The following CNTNAP2 variants were observed in gnomAD, a reference collection of about 807,000 sequenced individuals.
The protein encoded by CNTNAP2 is contactin associated protein 2, also known as contactin-associated protein-like 2.
A neutral mutation model predicts 155.2 loss-of-function variants in CNTNAP2; 98 were observed. The ratio of observed to expected loss-of-function variants is 0.63; its 90% CI spans 0.54 to 0.75. The LOEUF is 0.75. Ranked by LOEUF, CNTNAP2 falls within the 30% of genes least tolerant of loss-of-function variation. CNTNAP2 has a pLI of 0.00. For missense variants in CNTNAP2, 1,727 were observed against 1,688.1 expected (o/e 1.02, Z -0.40); for synonymous variants, 651 against 631.2 (o/e 1.03, Z -0.47).
rs527246263 is a variant in CNTNAP2 at position 146,992,705 on chromosome 7, G to A, written c.403-51202G>A. Among the ~76,000 whole-genome samples, 3 of 151,608 alleles carry A rather than the reference G, an allele frequency of 2.0e-5. No individual in the cohort carries two copies. The East Asian group carries it at 5.8e-4, about 29-fold the overall frequency. On this transcript the variant is annotated intron_variant, in intron 3 of 23. Coordinates refer to ENST00000361727, the MANE Select transcript of CNTNAP2 (RefSeq NM_014141.6). ...TATGAAGAAAAAGTAGTCATACTAA[G>A]ATTTTTTTTTTCTAGAACCAACTAT...
intron 3 of CNTNAP2, among the ~76,000 whole-genome samples, chr7:146,927,180 T>C (rs113600968): frequency 2.5e-4 from 38 of 152,304 alleles, no homozygotes; most frequent in African/African-American, 9.1e-4. Flanking sequence ...AGTTCTCCTG[T>C]AAGACTTAGA....
At chr7:146,399,320 C>A (rs920028413) in intron 1 of CNTNAP2, among the ~76,000 whole-genome samples, 8 of 152,126 alleles carry the variant, frequency 5.3e-5, no homozygotes, top group African/African-American at 1.9e-4. Context: ...ACATCTCCCC[C>A]AAACCTTGTC....
chr7:146,544,831 T>G (rs189889200), intron 1 of CNTNAP2, among the ~76,000 whole-genome samples: 4 of 151,882 alleles, frequency 2.6e-5, no homozygotes, highest in African/African-American at 9.7e-5. Flanking sequence ...CAGAGACGGA[T>G]AAGTCACTAG....
At chr7:146,157,269 A>C (rs1798141284) in intron 1 of CNTNAP2, among the ~76,000 whole-genome samples, 1 of 152,170 alleles carries the variant, frequency 6.6e-6, no homozygotes, top group Non-Finnish European at 1.5e-5. Flanking sequence ...TAATAACATT[A>C]AAGCAGAAGG....
At chr7:146,726,768 T>C (rs1344061912) in intron 1 of CNTNAP2, among the ~76,000 whole-genome samples, 2 of 152,178 alleles carry the variant, frequency 1.3e-5, no homozygotes, top group Admixed American at 1.3e-4. Flanking sequence ...TTTTACAGTT[T>C]ACTAATCTAT....
intron 1 of CNTNAP2, among the ~76,000 whole-genome samples, chr7:146,149,752 A>G (rs1207245670): frequency 6.6e-6 from 1 of 152,108 alleles, no homozygotes; most frequent in Non-Finnish European, 1.5e-5. Flanking sequence ...GTAATTATAG[A>G]TGGCACATAG....
intron 1 of CNTNAP2, among the ~76,000 whole-genome samples, chr7:146,372,241 G>A (rs953529573): frequency 1.3e-5 from 2 of 152,126 alleles, no homozygotes; most frequent in African/African-American, 4.8e-5. Context: ...AGTAGAATAC[G>A]ACCTATGCAG....
At chr7:146,410,973 A>G (rs1005304674) in intron 1 of CNTNAP2, among the ~76,000 whole-genome samples, 2 of 152,174 alleles carry the variant, frequency 1.3e-5, no homozygotes, top group Non-Finnish European at 2.9e-5. Context: ...AGACTATTCC[A>G]TGGTATAAAT....
intron 21 of CNTNAP2, among the ~76,000 whole-genome samples, chr7:148,328,580 G>A (rs1432321205): frequency 6.6e-6 from 1 of 152,044 alleles, no homozygotes; most frequent in African/African-American, 2.4e-5. Context: ...CAGCATTGAG[G>A]TTCACAGAAC....
At chr7:147,322,388 A>T (rs114980418) in intron 9 of CNTNAP2, among the ~76,000 whole-genome samples, 3,217 of 152,228 alleles carry the variant, frequency 0.021, 118 homozygotes, top group African/African-American at 0.074. Flanking sequence ...TGTGAATTTG[A>T]TTATAGTTTG....
At chr7:147,010,061 G>A (rs999251277) in intron 3 of CNTNAP2, among the ~76,000 whole-genome samples, 6 of 148,534 alleles carry the variant, frequency 4.0e-5, no homozygotes, top group African/African-American at 1.5e-4. Flanking sequence ...CCAGGCTGGA[G>A]TGCAGTGGCA....
At position 147,077,644 on chromosome 7, in the gene CNTNAP2, T is replaced by C. The variant is rs1158750378; in HGVS notation, c.551-30503T>C. Among the ~76,000 whole-genome samples the C allele has an allele frequency of 2.6e-5, 4 of 151,832 alleles. No homozygotes were observed. In the East Asian group the frequency reaches 7.8e-4, roughly 30 times the overall value. On this transcript the variant is annotated intron_variant, in intron 4 of 23. Transcript: ENST00000361727. ...CATCTAGCTACACAGCCCAGTGGAG[T>C]GGTTGAGTACAAAAGCCAGCCTAGC...
intron 12 of CNTNAP2, among the ~76,000 whole-genome samples, chr7:147,626,892 A>G (rs1794988524): frequency 6.6e-6 from 1 of 152,112 alleles, no homozygotes; most frequent in African/African-American, 2.4e-5. Flanking sequence ...CATATCTACA[A>G]CCATGGACTC....
chr7:146,393,410 A>G (rs1175822664), intron 1 of CNTNAP2, among the ~76,000 whole-genome samples: 1 of 152,192 alleles, frequency 6.6e-6, no homozygotes, highest in Non-Finnish European at 1.5e-5. Flanking sequence ...TTTCTTTGGC[A>G]GTAGAGACCT....
At chr7:148,117,786 A>G (rs1347611498) in intron 15 of CNTNAP2, among the ~76,000 whole-genome samples, 1 of 151,418 alleles carries the variant, frequency 6.6e-6, no homozygotes, top group Non-Finnish European at 1.5e-5. Context: ...TTATTGTTAT[A>G]TAATTATAAA....
chr7:146,947,555 G>GTATATA (rs1483517317), intron 3 of CNTNAP2, among the ~76,000 whole-genome samples: 153 of 39,386 alleles, frequency 3.9e-3, no homozygotes, highest in African/African-American at 9.6e-3. Flanking sequence ...GTGTGTGTGT[G>GTATATA]TGTATATATA....
At chr7:146,929,479 A>G (rs1252286385) in intron 3 of CNTNAP2, among the ~76,000 whole-genome samples, 1 of 152,148 alleles carries the variant, frequency 6.6e-6, no homozygotes, top group African/African-American at 2.4e-5. Flanking sequence ...TAAAACCACA[A>G]AGATGGGGAA....
chr7:147,872,860 C>G (rs1046415590), intron 13 of CNTNAP2, among the ~76,000 whole-genome samples: 13 of 151,958 alleles, frequency 8.6e-5, no homozygotes, highest in Admixed American at 3.9e-4. Flanking sequence ...GAAAAATGTA[C>G]AAATAATTAA....
chr7:146,975,107 T>G (rs1009936543), intron 3 of CNTNAP2, among the ~76,000 whole-genome samples: 1 of 152,158 alleles, frequency 6.6e-6, no homozygotes, highest in Non-Finnish European at 1.5e-5. Flanking sequence ...GTACATATTT[T>G]GGGTGATATC....
Sources: allele counts gnomAD v4.1 joint callset (sites outside exome capture counted in the v4.1 genomes callset), GRCh38; gene constraint gnomAD v4.1.1; transcripts MANE v1.5; gene names NCBI Gene and HGNC (gene_info 2026-07-23, HGNC 2026-07-21).